Variants in MED16 observed in about 807,000 individuals in gnomAD.
MED16 encodes mediator of RNA polymerase II transcription subunit 16.
A neutral mutation model predicts 84.4 loss-of-function variants in MED16; 81 were observed. The ratio of observed to expected loss-of-function variants is 0.96; its 90% CI spans 0.80 to 1.15. MED16 has a LOEUF of 1.15. MED16 is among the 50% of genes most tolerant of loss of function. MED16 has a pLI of 0.00. For synonymous variants in MED16, 897 were observed against 552.2 expected, an observed-to-expected ratio of 1.62 and a Z score of -8.76; for missense variants, 1,585 against 1,245.9, an observed-to-expected ratio of 1.27 and a Z score of -4.10.
intron 6 of MED16, among the ~76,000 whole-genome samples, chr19:882,782 C>CTGCG (rs757571723): frequency 3.9e-5 from 6 of 152,248 alleles, no homozygotes; most frequent in Non-Finnish European, 7.3e-5. Flanking sequence ...TCGGCTGAAG[C>CTGCG]TGACTACCAC....
chr19:875,160 T>A (rs905172103), intron 10 of MED16, 84 bp downstream of exon 10: 1 of 986,138 alleles, frequency 1.0e-6, no homozygotes, highest in African/African-American at 1.7e-5. Context: ...TAAGACCCTA[T>A]CTCAAAAGAG....
At chr19:875,498 G>C (rs959472766) in intron 9 of MED16, 44 bp from the exon 10 acceptor site, 2 of 1,503,160 alleles carry the variant, frequency 1.3e-6, no homozygotes, top group Non-Finnish European at 9.0e-7. Context: ...CGGAGCAGAG[G>C]CGCCCGCCAA....
intron 10 of MED16, among the ~76,000 whole-genome samples, 191 bp from the exon 11 acceptor site, chr19:873,773 C>T (rs375679577): frequency 3.9e-5 from 6 of 152,108 alleles, no homozygotes; most frequent in Non-Finnish European, 5.9e-5. Flanking sequence ...CTGCCTGCCC[C>T]CCCCCGGGGG....
Position 868,231 on chromosome 19 carries a change from G to C in MED16, c.2504C>G (p.Pro835Arg). 6.3e-7 allele frequency: 1 copy of C among 1,597,650 alleles called. No individual in the cohort carries two copies. The highest frequency in any genetic ancestry group is 8.5e-7 in the Non-Finnish European group (1 of 1,173,214). The change falls in exon 16 of 16, where the codon CCG (proline) becomes CGG (arginine). Residue 835 changes from proline to arginine, a missense_variant. Coordinates refer to ENST00000325464, the MANE Select transcript of MED16 (RefSeq NM_005481.3). The part of the protein sequence containing the change: ...KNCLAVEGRG[P>R]DACVTSRASE... The stretch of plus-strand genomic sequence containing the variant: ...AGCTCTGCTGGTCACGCAGGCGTCC[G>C]GCCCACGGCCTTCAACAGCCCTGCA...
chr19:870,469 G>C (rs1441417243), intron 13 of MED16, among the ~76,000 whole-genome samples: 5 of 151,774 alleles, frequency 3.3e-5, no homozygotes, highest in African/African-American at 9.7e-5. Flanking sequence ...GCTGAGGTAG[G>C]AGAATCATTT....
chr19:868,030 G>C lies in MED16; in HGVS notation c.*71C>G. 2.0e-6 allele frequency: 3 copies of C among 1,522,238 alleles called. No individual in the cohort carries two copies. Among genetic ancestry groups the C allele is most frequent in the Non-Finnish European group, 2.6e-6 (3 of 1,138,514 alleles). The allele number at this position is 1,522,238 out of a possible 1,614,324, so 94.3% of individuals were successfully genotyped here. ...TGCTTGTCCAGGTTCAGCGCTCTCC[G>C]CGGGTGAGGCAAGGAAACCGAGGAG... On this transcript the variant is annotated 3_prime_UTR_variant, in exon 16 of 16. Transcript: ENST00000325464.
At chr19:889,570 G>A (rs2036591831) in intron 4 of MED16, 68 bp downstream of exon 4, 2 of 1,535,350 alleles carry the variant, frequency 1.3e-6, no homozygotes, top group African/African-American at 2.7e-5. Context: ...AGAGGAGAGG[G>A]GCTGGCGGGT....
intron 14 of MED16, 149 bp from the exon 15 acceptor site, chr19:868,648 ATGCTTC>A: frequency 8.3e-7 from 1 of 1,197,736 alleles, no homozygotes; most frequent in Non-Finnish European, 1.2e-6. Context: ...GCCTCTGCCC[ATGCTTC>A]TCCTCCCCCC....
intron 3 of MED16, 143 bp downstream of exon 3, chr19:889,994 C>T: frequency 1.2e-6 from 1 of 833,974 alleles, no homozygotes. Context: ...ATTCGGGCCA[C>T]TATGGAAAGA....
chr19:879,384 A>C (rs868176928), intron 8 of MED16, among the ~76,000 whole-genome samples: 1 of 23,308 alleles, frequency 4.3e-5, no homozygotes. Flanking sequence ...CCAGCCGCAC[A>C]TGCCCCAGCA....
At chr19:891,461 G>A (rs1368156151) in intron 1 of MED16, among the ~76,000 whole-genome samples, 1 of 152,226 alleles carries the variant, frequency 6.6e-6, no homozygotes, top group Non-Finnish European at 1.5e-5. Context: ...ACAGCCGGGA[G>A]ACGCAGCGGA....
intron 10 of MED16, among the ~76,000 whole-genome samples, chr19:874,053 G>T (rs915721830): frequency 6.6e-6 from 1 of 152,166 alleles, no homozygotes; most frequent in African/African-American, 2.4e-5. Flanking sequence ...TGTGCACACG[G>T]CTCCCAGCTA....
Position 869,856 on chromosome 19 carries a change from G to A in MED16, c.2316-910C>T, listed in dbSNP as rs372378240. Among the ~76,000 whole-genome samples, 62 of 152,342 alleles carry A rather than the reference G, an allele frequency of 4.1e-4. No individual in the cohort carries two copies. In the South Asian group the frequency reaches 0.012, roughly 31 times the overall value. On this transcript the variant is annotated intron_variant, in intron 13 of 15. Coordinates refer to ENST00000325464, the MANE Select transcript of MED16 (RefSeq NM_005481.3). ...GTCTGAAACAGGCTGGGGGTCTGAC[G>A]GGCCTGGGTTCAAATCCTGACTCGG...
intron 9 of MED16, among the ~76,000 whole-genome samples, chr19:876,462 G>C (rs1299691298): frequency 2.0e-5 from 3 of 152,122 alleles, no homozygotes; most frequent in Non-Finnish European, 1.5e-5. Context: ...GGATGGCTTA[G>C]AAAGATACCT....
chr19:877,303 G>A (rs1445098972), intron 8 of MED16, 123 bp from the exon 9 acceptor site: 4 of 804,966 alleles, frequency 5.0e-6, no homozygotes, highest in East Asian at 5.3e-5. Flanking sequence ...CCCGTGTGTG[G>A]GCCTGTGTGC....
intron 1 of MED16, 111 bp from the exon 2 acceptor site, chr19:891,260 C>T (rs1337915211): frequency 2.0e-5 from 22 of 1,101,316 alleles, no homozygotes; most frequent in Admixed American, 5.2e-5. Context: ...AGGGAACAGC[C>T]GATGCAAAGG....
intron 13 of MED16, among the ~76,000 whole-genome samples, 187 bp from the exon 14 acceptor site, chr19:869,133 G>C (rs1468872593): frequency 6.6e-6 from 1 of 152,180 alleles, no homozygotes; most frequent in East Asian, 1.9e-4. Context: ...CAGTAAAGGG[G>C]GCGGGACCCC....
At chr19:880,398 G>C (rs553998103) in intron 7 of MED16, among the ~76,000 whole-genome samples, 2 of 152,354 alleles carry the variant, frequency 1.3e-5, no homozygotes, top group East Asian at 3.9e-4. Flanking sequence ...CCTCCCAGCT[G>C]GGCCCATGTC....
chr19:891,176 T>A (rs770857022), intron 1 of MED16, 27 bp from the exon 2 acceptor site: 14 of 1,582,076 alleles, frequency 8.8e-6, no homozygotes, highest in Non-Finnish European at 1.2e-5. Flanking sequence ...TGGTGGGACG[T>A]CTATGTTGGC....
Sources: allele counts gnomAD v4.1 joint callset (sites outside exome capture counted in the v4.1 genomes callset), GRCh38; gene constraint gnomAD v4.1.1; transcripts MANE v1.5; gene names NCBI Gene and HGNC (gene_info 2026-07-23, HGNC 2026-07-21).